SLC18A2: variants seen among roughly 807,000 people sequenced by gnomAD.
The protein encoded by SLC18A2 is solute carrier family 18 member A2, also known as synaptic vesicular amine transporter.
SLC18A2 carries 33 observed loss-of-function variants against 59.2 expected under a neutral mutation model. That is an observed-to-expected ratio of 0.56 (90% CI 0.42 to 0.75). The LOEUF is 0.75. Ranked by LOEUF, SLC18A2 falls within the 30% of genes least tolerant of loss-of-function variation. The pLI, the probability that SLC18A2 is intolerant of heterozygous loss-of-function variation, is 0.00. For synonymous variants in SLC18A2, 228 were observed against 253.5 expected, an observed-to-expected ratio of 0.90 and a Z score of 0.95; for missense variants, 569 against 668.6, an observed-to-expected ratio of 0.85 and a Z score of 1.64.
intron 10 of SLC18A2, among the ~76,000 whole-genome samples, chr10:117,264,430 C>T (rs995206623): frequency 8.5e-5 from 13 of 152,206 alleles, no homozygotes; most frequent in African/African-American, 1.9e-4. Flanking sequence ...AAGCCGAGAT[C>T]GTGCCATTGC....
chr10:117,243,953 T>C lies in SLC18A2; in HGVS notation c.122-18T>C. ...TTTCAGTGTGATCACCACCTTGCCA[T>C]TCTGCTCTTATCCCCAGTCCCCATC... On this transcript the variant is annotated intron_variant, in intron 2 of 15. Transcript: ENST00000644641. 6.3e-7 allele frequency: 1 copy of C among 1,599,136 alleles called. No homozygotes were observed. The highest frequency in any genetic ancestry group is 8.5e-7 in the Non-Finnish European group (1 of 1,169,900).
chr10:117,247,797 G>A (rs1014886983), intron 3 of SLC18A2, among the ~76,000 whole-genome samples: 2 of 152,030 alleles, frequency 1.3e-5, no homozygotes, highest in African/African-American at 2.4e-5. Context: ...CTGTAGTCAG[G>A]CTGGGCAGAG....
In SLC18A2 at chr10:117,241,766, A is replaced by G. The variant is rs1307366335; in HGVS notation, c.73A>G (p.Ile25Val). The G allele has an allele frequency of 6.2e-6, 10 of 1,611,222 alleles. No homozygotes were observed. Among genetic ancestry groups the G allele is most frequent in the Non-Finnish European group, 8.5e-6 (10 of 1,179,190 alleles). The stretch of plus-strand genomic sequence containing the variant: ...CCGCTCGCGGAAGCTCATCCTGTTC[A>G]TCGTGTTCCTGGCGCTGCTGCTGGA... The part of the protein sequence containing the change: ...SRRSRKLILF[I>V]VFLALLLDNM... Residue 25 changes from isoleucine to valine, a missense_variant, in exon 2 of 16, where the codon ATC (isoleucine) becomes GTC (valine). By Grantham distance (29) the Ile-to-Val change is conservative. Around this residue, in one of 2 missense-constraint regions of SLC18A2, gnomAD observed 377 missense variants for 389.8 expected, o/e 0.97. Transcript: ENST00000644641.
At chr10:117,260,988 T>G (rs111690857) in intron 10 of SLC18A2, among the ~76,000 whole-genome samples, 154 of 152,330 alleles carry the variant, frequency 1.0e-3, no homozygotes, top group African/African-American at 3.7e-3. Flanking sequence ...GAATGTGCTT[T>G]GCTAGTTTTA....
intron 9 of SLC18A2, among the ~76,000 whole-genome samples, 171 bp downstream of exon 9, chr10:117,255,828 G>A (rs915425868): frequency 5.3e-5 from 8 of 152,186 alleles, no homozygotes; most frequent in South Asian, 2.1e-4. Flanking sequence ...GTTTTCTTCC[G>A]CCATTGCTTT....
intron 3 of SLC18A2, among the ~76,000 whole-genome samples, chr10:117,248,940 T>C (rs1844135484): frequency 6.6e-6 from 1 of 152,262 alleles, no homozygotes. Flanking sequence ...TGGCTTAATT[T>C]ATTTCCATAG....
intron 10 of SLC18A2, among the ~76,000 whole-genome samples, chr10:117,264,225 C>T (rs1248526833): frequency 3.9e-5 from 6 of 152,174 alleles, no homozygotes; most frequent in African/African-American, 1.2e-4. Flanking sequence ...AGTGTTGCCC[C>T]GCAGAAGGGA....
rs752848283 is a variant in SLC18A2, at chr10:117,254,497, G to A, written c.700G>A (p.Val234Met). The A allele has an allele frequency of 3.1e-6, 5 of 1,600,726 alleles. No homozygotes were observed. Among genetic ancestry groups the A allele is most frequent in the Non-Finnish European group, 4.3e-6 (5 of 1,172,796 alleles). ...GGGAGGCCTGGCCATGGGGGTCTTA[G>A]GTGGGTAAGGCCCCCGTGTAGGCAA... Reference protein sequence around the residue: ...ALGGLAMGVLVGPPFGSVLYE... With the variant: ...ALGGLAMGVLMGPPFGSVLYE... The change falls in exon 6 of 16, where the codon GTG becomes ATG. Residue 234 changes from valine to methionine, a missense_variant and splice_region_variant. Coordinates refer to ENST00000644641, the MANE Select transcript of SLC18A2 (RefSeq NM_003054.6).
chr10:117,257,192 T>C (rs1162875417), intron 9 of SLC18A2, among the ~76,000 whole-genome samples: 2 of 152,180 alleles, frequency 1.3e-5, no homozygotes, highest in Non-Finnish European at 2.9e-5. Flanking sequence ...TGGAGAACAG[T>C]TCCGTGGGTC....
intron 10 of SLC18A2, 91 bp from the exon 11 acceptor site, chr10:117,266,642 C>T: frequency 9.9e-7 from 1 of 1,011,420 alleles, no homozygotes; most frequent in South Asian, 1.5e-5. Context: ...TTTATCTGCT[C>T]TCATCAACAT....
chr10:117,241,673 C>T lies in SLC18A2; in HGVS notation c.-15-6C>T. ...CTTGGGTCCTCACCGCGCACCGCGC[C>T]CGCAGCGGAGCCCCGGAGCCATGGC... On this transcript the variant is annotated splice_region_variant and splice_polypyrimidine_tract_variant and intron_variant, in intron 1 of 15. Coordinates refer to ENST00000644641, the MANE Select transcript of SLC18A2 (RefSeq NM_003054.6). The T allele has an allele frequency of 1.3e-6, 2 of 1,561,066 alleles. No individual in the cohort carries two copies. Among genetic ancestry groups the T allele is most frequent in the Non-Finnish European group, 8.7e-7 (1 of 1,155,908 alleles).
At chr10:117,265,659 G>T (rs547068314) in intron 10 of SLC18A2, among the ~76,000 whole-genome samples, 1 of 152,228 alleles carries the variant, frequency 6.6e-6, no homozygotes, top group East Asian at 1.9e-4. Context: ...AGCCAAGCTG[G>T]GTCTGATAAT....
chr10:117,243,931 C>T (rs944063855), intron 2 of SLC18A2, 40 bp from the exon 3 acceptor site: 1 of 1,531,628 alleles, frequency 6.5e-7, no homozygotes, highest in African/African-American at 1.4e-5. Flanking sequence ...GAGAGGGTTT[C>T]AGTGTGATCA....
At position 117,269,250 on chromosome 10, in the gene SLC18A2, TATACAC is replaced by T. The variant is rs1376660715; in HGVS notation, c.1187-819_1187-814del. Among the ~76,000 whole-genome samples, 52 of 151,304 alleles carry T rather than the reference TATACAC, an allele frequency of 3.4e-4. No individual in the cohort carries two copies. Among genetic ancestry groups the T allele is most frequent in the African/African-American group, 1.1e-3 (45 of 41,004 alleles). ...AAATACAAGTACATACACAAACACATATACACAGACACATACACATGCAAACACATG... is the reference window on the plus strand; with the variant it reads ...AAATACAAGTACATACACAAACACATAGACACATACACATGCAAACACATG... On this transcript the variant is annotated intron_variant, in intron 13 of 15. Transcript: ENST00000644641. This position sits in a 1 kb window ranked among gnomAD's most constrained non-coding sequence, Gnocchi z 5.1.
chr10:117,254,169 C>T, intron 5 of SLC18A2, 38 bp downstream of exon 5: 2 of 1,589,150 alleles, frequency 1.3e-6, no homozygotes, highest in East Asian at 2.2e-5. Context: ...GTGAGGGGCC[C>T]CTTGCAGAGT....
At chr10:117,248,464 C>G (rs1844132062) in intron 3 of SLC18A2, among the ~76,000 whole-genome samples, 1 of 152,144 alleles carries the variant, frequency 6.6e-6, no homozygotes, top group Admixed American at 6.5e-5. Flanking sequence ...GTAGTGATGA[C>G]CTGGCCAATA....
chr10:117,251,442 G>T (rs363406), intron 3 of SLC18A2, among the ~76,000 whole-genome samples: 1 of 152,126 alleles, frequency 6.6e-6, no homozygotes, highest in East Asian at 1.9e-4. Context: ...GCTGTCACCC[G>T]ATGGCCATCT....
chr10:117,247,037 G>C (rs1012988538), intron 3 of SLC18A2, among the ~76,000 whole-genome samples: 7 of 152,164 alleles, frequency 4.6e-5, no homozygotes, highest in African/African-American at 1.7e-4. Flanking sequence ...TTGGGGACTG[G>C]GCAGCTCTTC....
intron 10 of SLC18A2, among the ~76,000 whole-genome samples, chr10:117,262,055 C>T (rs1468112532): frequency 6.6e-6 from 1 of 152,122 alleles, no homozygotes; most frequent in Non-Finnish European, 1.5e-5. Context: ...TTACAGGTGC[C>T]TACCACTGTA....
Sources: allele counts gnomAD v4.1 joint callset (sites outside exome capture counted in the v4.1 genomes callset), GRCh38; gene constraint gnomAD v4.1.1; regional missense constraint gnomAD v4.1.1; non-coding constraint Gnocchi (gnomAD v3.1); transcripts MANE v1.5; gene names NCBI Gene and HGNC (gene_info 2026-07-23, HGNC 2026-07-21).